The following ETF1 variants were observed in gnomAD, a reference collection of about 807,000 sequenced individuals.
The protein encoded by ETF1 is eukaryotic peptide chain release factor subunit 1.
A neutral mutation model predicts 55.1 loss-of-function variants in ETF1; 4 were observed. The observed-to-expected ratio is 0.07, with a 90% CI of 0.04 to 0.17. ETF1 has a LOEUF of 0.17. ETF1 is among the 10% of genes least tolerant of loss of function. The probability of loss-of-function intolerance (pLI) is 1.00; values close to 1 mark genes in which losing one functional copy is unlikely to be tolerated. For missense variants in ETF1, 142 were observed against 523.6 expected (o/e 0.27, Z 7.11); for synonymous variants, 157 against 182.3 (o/e 0.86, Z 1.12).
intron 2 of ETF1, among the ~76,000 whole-genome samples, chr5:138,528,073 G>C (rs1224187475): frequency 6.6e-6 from 1 of 152,106 alleles, no homozygotes; most frequent in East Asian, 1.9e-4. Context: ...TGCCCGGCTG[G>C]AAGTTTTTTC....
At position 138,538,534 on chromosome 5, in the gene ETF1, G is replaced by C. The variant is rs549183842; in HGVS notation, c.86+4299C>G. Among the ~76,000 whole-genome samples the C allele has an allele frequency of 2.0e-5, 3 of 152,280 alleles. No individual in the cohort carries two copies. In the East Asian group the frequency reaches 5.8e-4, roughly 29 times the overall value. On this transcript the variant is annotated intron_variant, in intron 2 of 10. Transcript: ENST00000360541. ...TGTCTAACCAACAGTTTGGGGGAAG[G>C]GAGGCATGGAAAGAGCCAGAATAGA...
Position 138,516,594 on chromosome 5 carries a change from T to C in ETF1, c.402+967A>G, listed in dbSNP as rs558438412. Among the ~76,000 whole-genome samples the C allele has an allele frequency of 3.1e-4, 47 of 152,308 alleles. 1 individual carries two copies. Among genetic ancestry groups the C allele is most frequent in the Non-Finnish European group, 1.0e-4 (7 of 68,030 alleles). On this transcript the variant is annotated intron_variant, in intron 4 of 10. Coordinates refer to ENST00000360541, the MANE Select transcript of ETF1 (RefSeq NM_004730.4). ...AGATGGAGGTTGCAGTGGGCCAAGA[T>C]TGCACCACTGCACTCTAGCCTGGGC...
chr5:138,512,684 G>A (rs2127071141), intron 6 of ETF1, 80 bp downstream of exon 6: 1 of 1,277,534 alleles, frequency 7.8e-7, no homozygotes, highest in Non-Finnish European at 1.1e-6. Flanking sequence ...AAAAAGATGT[G>A]TCTGTTCCAG....
At chr5:138,510,702 G>A (rs140291848) in intron 8 of ETF1, 73 bp from the exon 9 acceptor site, 3 of 1,573,588 alleles carry the variant, frequency 1.9e-6, no homozygotes, top group Non-Finnish European at 1.7e-6. Flanking sequence ...CATAAGATGA[G>A]GTTAGATGAG....
At position 138,508,124 on chromosome 5, in the gene ETF1, CAA is replaced by C; in HGVS notation, c.*179_*180del. On this transcript the variant is annotated 3_prime_UTR_variant, in exon 11 of 11. Coordinates refer to ENST00000360541, the MANE Select transcript of ETF1 (RefSeq NM_004730.4). ...CTGCTGCGCTGACACCATGACAAAC[CAA>C]AGTGTAGGGCTGGGTCTGGTTTTGT... 9.7e-6 allele frequency: 7 copies of C among 718,332 alleles called. No homozygotes were observed. In the East Asian group the frequency reaches 2.0e-4, roughly 21 times the overall value. 44.5% of individuals were successfully genotyped at this position (718,332 alleles called of 1,614,324 possible).
At chr5:138,537,731 GTGCCCGCCAC>G (rs1765998971) in intron 2 of ETF1, among the ~76,000 whole-genome samples, 1 of 145,936 alleles carries the variant, frequency 6.9e-6, no homozygotes, top group African/African-American at 2.5e-5. Flanking sequence ...GGGACTACAG[GTGCCCGCCAC>G]CATGCCTGGC....
rs1764601481 is a variant in ETF1 at position 138,507,539 on chromosome 5, T to C, written c.*766A>G. ...ACCGGTTTCGAGTAGGTTAAGGTTA[T>C]AGGGACCCTTGTCAGAACATTGATA... On this transcript the variant is annotated 3_prime_UTR_variant, in exon 11 of 11. Coordinates refer to ENST00000360541, the MANE Select transcript of ETF1 (RefSeq NM_004730.4). 1 of 152,646 alleles carries C rather than the reference T, an allele frequency of 6.6e-6. No individual in the cohort carries two copies. The highest frequency in any genetic ancestry group is 1.5e-5 in the Non-Finnish European group (1 of 68,042). The allele number at this position is 152,646 out of a possible 1,614,324, so 9.5% of individuals were successfully genotyped here. A position where few individuals can be genotyped will look rare whatever the true frequency, so the allele number is the denominator to read the frequency against.
At position 138,508,077 on chromosome 5, in the gene ETF1, C is replaced by T. The variant is rs1262439290; in HGVS notation, c.*228G>A. The T allele has an allele frequency of 1.4e-5, 6 of 420,638 alleles. No individual in the cohort carries two copies. The highest frequency in any genetic ancestry group is 8.0e-5 in the South Asian group (1 of 12,452). 26.1% of individuals were successfully genotyped at this position (420,638 alleles called of 1,614,324 possible). A position where few individuals can be genotyped will look rare whatever the true frequency, so the allele number is the denominator to read the frequency against. On this transcript the variant is annotated 3_prime_UTR_variant, in exon 11 of 11. Transcript: ENST00000360541. ...TCTTTTTTAAATTAGTCCAAAGTGG[C>T]GTTTAGGAACTTAGTTGTAGGCTGC...
In ETF1 at chr5:138,507,454, G is replaced by C. The variant is rs1181445524; in HGVS notation, c.*851C>G. 1 of 152,526 alleles carries C rather than the reference G, an allele frequency of 6.6e-6. No homozygotes were observed. The highest frequency in any genetic ancestry group is 2.4e-5 in the African/African-American group (1 of 41,398). The allele number at this position is 152,526 out of a possible 1,614,324, so 9.4% of individuals were successfully genotyped here. On this transcript the variant is annotated 3_prime_UTR_variant, in exon 11 of 11. Transcript: ENST00000360541. ...AAATTTCTTCGCTTCCACTTAAATT[G>C]CATGTTTTATTTCTCCCAATCCCAG...
At chr5:138,522,857 T>A (rs1375064106) in intron 2 of ETF1, among the ~76,000 whole-genome samples, 1 of 151,604 alleles carries the variant, frequency 6.6e-6, no homozygotes, top group Non-Finnish European at 1.5e-5. Context: ...ATACAAAAAA[T>A]TAGCCGGGCG....
intron 2 of ETF1, among the ~76,000 whole-genome samples, chr5:138,532,581 G>C (rs1301884884): frequency 6.6e-6 from 1 of 152,202 alleles, no homozygotes; most frequent in Non-Finnish European, 1.5e-5. Context: ...AATGGGGAGG[G>C]GAGAGAGGTA....
chr5:138,541,415 G>A, intron 2 of ETF1: 1 of 740,856 alleles, frequency 1.3e-6, no homozygotes, highest in Non-Finnish European at 2.3e-6. Flanking sequence ...TAAACCGAAG[G>A]AGTGAGCACA....
intron 2 of ETF1, chr5:138,541,760 T>G: frequency 5.3e-6 from 1 of 190,416 alleles, no homozygotes; most frequent in Non-Finnish European, 8.3e-6. Context: ...CCAAACACTT[T>G]TTTTTGGGGG....
Position 138,510,633 on chromosome 5 carries a change from T to C in ETF1, c.1019-4A>G, listed in dbSNP as rs769129789. On this transcript the variant is annotated splice_polypyrimidine_tract_variant and splice_region_variant and intron_variant, in intron 8 of 10. Transcript: ENST00000360541. Reference sequence around the variant, plus strand: ...GTTAGATAGAGAATTTTCTCCTCTGTAGTATTAGGAGGAAAAAATGTGTTA... The same window carrying C: ...GTTAGATAGAGAATTTTCTCCTCTGCAGTATTAGGAGGAAAAAATGTGTTA... The C allele has an allele frequency of 1.2e-6, 2 of 1,612,290 alleles. No homozygotes were observed. The highest frequency in any genetic ancestry group is 1.7e-6 in the Non-Finnish European group (2 of 1,178,444).
intron 2 of ETF1, chr5:138,542,619 G>A (rs1469879017): frequency 1.4e-6 from 2 of 1,420,504 alleles, no homozygotes; most frequent in South Asian, 1.5e-5. Context: ...AAACCGGGGA[G>A]CGCGGGCCCC....
chr5:138,532,945 T>G (rs1312369183), intron 2 of ETF1, among the ~76,000 whole-genome samples: 1 of 142,402 alleles, frequency 7.0e-6, no homozygotes, highest in African/African-American at 2.6e-5. Context: ...TATAAGCTTC[T>G]TTTTTTTTTT....
intron 2 of ETF1, among the ~76,000 whole-genome samples, chr5:138,522,987 A>C (rs1765296927): frequency 6.6e-6 from 1 of 150,478 alleles, no homozygotes; most frequent in Non-Finnish European, 1.5e-5. Context: ...GTTGGGGCGA[A>C]AGAGCAAGAC....
intron 2 of ETF1, among the ~76,000 whole-genome samples, chr5:138,522,494 C>CTTA (rs994911211): frequency 6.6e-6 from 1 of 151,778 alleles, no homozygotes; most frequent in Non-Finnish European, 1.5e-5. Context: ...CCACTCTACT[C>CTTA]TTAGTTAGAT....
chr5:138,542,932 C>T lies in ETF1; in HGVS notation c.-14G>A. The T allele has an allele frequency of 5.0e-6, 8 of 1,613,546 alleles. No individual in the cohort carries two copies. The highest frequency in any genetic ancestry group is 6.8e-6 in the Non-Finnish European group (8 of 1,179,832). Reference sequence around the variant, plus strand: ...GTCGTCCGCCATCTTCTCGCCTCCTCCTCCCTAGAGCGGCCCGGCGGGGCC... The same window carrying T: ...GTCGTCCGCCATCTTCTCGCCTCCTTCTCCCTAGAGCGGCCCGGCGGGGCC... On this transcript the variant is annotated 5_prime_UTR_variant, in exon 2 of 11. Transcript: ENST00000360541.
Sources: gnomAD v4.1 joint callset for allele counts (sites outside exome capture counted in the v4.1 genomes callset) on GRCh38, gnomAD v4.1.1 for gene constraint, MANE v1.5 for transcripts, NCBI Gene and HGNC (gene_info 2026-07-23, HGNC 2026-07-21) for gene names.